The following FCRL3 variants were observed in gnomAD, a reference collection of about 807,000 sequenced individuals.
The protein encoded by FCRL3 is Fc receptor like 3, also known as Fc receptor-like protein 3.
FCRL3 carries 89 observed loss-of-function variants against 75.0 expected under a neutral mutation model. The ratio of observed to expected loss-of-function variants is 1.19; its 90% CI spans 1.00 to 1.42. FCRL3 has a LOEUF of 1.42. FCRL3 is among the 40% of genes most tolerant of loss of function. FCRL3 has a pLI of 0.00. For synonymous variants in FCRL3, 376 were observed against 348.5 expected, an observed-to-expected ratio of 1.08 and a Z score of -0.88; for missense variants, 946 against 880.0, an observed-to-expected ratio of 1.07 and a Z score of -0.95.
chr1:157,697,780 TAA>T lies in FCRL3; in HGVS notation c.436_437del (p.Leu146ArgfsTer12). ...DGKQLPNSYN[L>X]EKITVNSVSR... is the part of the protein sequence containing the mutation. ...AGACTGAATTCACTGTGATCTTCTCTAAATTATAACTATTAGGAAGCTGTTTT... is the reference window on the plus strand; with the variant it reads ...AGACTGAATTCACTGTGATCTTCTCTATTATAACTATTAGGAAGCTGTTTT... On this transcript the variant is annotated frameshift_variant, in exon 5 of 15. Transcript: ENST00000368184. LOFTEE classifies it high-confidence loss of function. 6.2e-7 allele frequency: 1 copy of T among 1,614,176 alleles called. No homozygotes were observed. The highest frequency in any genetic ancestry group is 2.2e-5 in the East Asian group (1 of 44,884).
chr1:157,695,413 C>T lies in FCRL3; in HGVS notation c.1327G>A (p.Ala443Thr), dbSNP rs1224563711. 1.2e-6 allele frequency: 2 copies of T among 1,614,088 alleles called. No individual in the cohort carries two copies. Among genetic ancestry groups the T allele is most frequent in the African/African-American group, 2.7e-5 (2 of 74,938 alleles). The change falls in exon 8 of 15, where the codon GCA becomes ACA. Residue 443 changes from alanine (A) to threonine (T), a missense_variant. Transcript: ENST00000368184. ...GGASFNLSLTAEHSGNYSCDA... is the reference protein window; with the variant it reads ...GGASFNLSLTTEHSGNYSCDA... Reference sequence around the variant, plus strand: ...CAGGAGTAGTTTCCAGAATGTTCTGCAGTCAGAGAGAGGTTGAAGGAGGCT... The same window carrying T: ...CAGGAGTAGTTTCCAGAATGTTCTGTAGTCAGAGAGAGGTTGAAGGAGGCT...
chr1:157,694,479 G>A (rs1442978002), intron 8 of FCRL3, among the ~76,000 whole-genome samples: 2 of 152,092 alleles, frequency 1.3e-5, no homozygotes, highest in Non-Finnish European at 2.9e-5. Context: ...AGAGTCCATG[G>A]CAAAATCCAG....
At position 157,698,275 on chromosome 1, in the gene FCRL3, A is replaced by G. The variant is rs1295489253; in HGVS notation, c.298+109T>C. On this transcript the variant is annotated intron_variant, in intron 4 of 14. Coordinates refer to ENST00000368184, the MANE Select transcript of FCRL3 (RefSeq NM_052939.4). The stretch of plus-strand genomic sequence containing the variant: ...TTATTTTCCCCACTGGGGTCAGTGC[A>G]TCAATCCCCATGTCTGCTTACAACT... 5 of 1,332,912 alleles carry G rather than the reference A, an allele frequency of 3.8e-6. No individual in the cohort carries two copies. In the African/African-American group the frequency reaches 7.2e-5, roughly 19 times the overall value. The allele number at this position is 1,332,912 out of a possible 1,614,324, so 82.6% of individuals were successfully genotyped here. A position where few individuals can be genotyped will look rare whatever the true frequency, so the allele number is the denominator to read the frequency against.
Position 157,678,486 on chromosome 1 carries a change from A to G in FCRL3, c.*224T>C. 1 of 1,393,324 alleles carries G rather than the reference A, an allele frequency of 7.2e-7. No homozygotes were observed. Among genetic ancestry groups the G allele is most frequent in the Non-Finnish European group, 9.3e-7 (1 of 1,074,538 alleles). 86.3% of individuals were successfully genotyped at this position (1,393,324 alleles called of 1,614,324 possible). A position where few individuals can be genotyped will look rare whatever the true frequency, so the allele number is the denominator to read the frequency against. ...CCCTCCTGCCTTGCCACGTGTCTCC[A>G]CTGTGAAAATAACACAGTGCTTGCT... On this transcript the variant is annotated 3_prime_UTR_variant, in exon 15 of 15. Coordinates refer to ENST00000368184, the MANE Select transcript of FCRL3 (RefSeq NM_052939.4).
intron 3 of FCRL3, among the ~76,000 whole-genome samples, chr1:157,699,376 G>A (rs1656164714): frequency 6.6e-6 from 1 of 152,128 alleles, no homozygotes; most frequent in African/African-American, 2.4e-5. Flanking sequence ...TGGACATTCA[G>A]AGGGAGATGT....
At position 157,678,764 on chromosome 1, in the gene FCRL3, ATCT is replaced by A. The variant is rs1654624432; in HGVS notation, c.2148_2150del (p.Glu716del). ...GTACATTCTCATAGTTTTCTTCATC[ATCT>A]TCTTCATGGGCCCTGCCTCTGCTGC... is the stretch of plus-strand genomic sequence containing the variant. On this transcript the variant is annotated inframe_deletion, in exon 15 of 15. Transcript: ENST00000368184. 10 of 1,613,896 alleles carry A rather than the reference ATCT, an allele frequency of 6.2e-6. No individual in the cohort carries two copies. Among genetic ancestry groups the A allele is most frequent in the Non-Finnish European group, 8.5e-6 (10 of 1,180,002 alleles).
chr1:157,683,807 C>T (rs1276245932), intron 10 of FCRL3, among the ~76,000 whole-genome samples: 3 of 152,172 alleles, frequency 2.0e-5, no homozygotes, highest in Admixed American at 6.5e-5. Flanking sequence ...TTCTCTTTCA[C>T]TTGGCTAGCT....
At chr1:157,698,362 A>T in intron 4 of FCRL3, 22 bp downstream of exon 4, 1 of 1,613,560 alleles carries the variant, frequency 6.2e-7, no homozygotes, top group Non-Finnish European at 8.5e-7. Context: ...TTGACTTTAG[A>T]CACTCCCCTT....
intron 10 of FCRL3, among the ~76,000 whole-genome samples, chr1:157,685,177 T>A (rs1380999318): frequency 6.6e-6 from 1 of 151,726 alleles, no homozygotes; most frequent in African/African-American, 2.4e-5. Flanking sequence ...TCTTTTAGTA[T>A]GTTATAGATT....
chr1:157,687,192 A>G (rs1220905714), intron 10 of FCRL3, among the ~76,000 whole-genome samples: 1 of 151,318 alleles, frequency 6.6e-6, no homozygotes, highest in East Asian at 2.0e-4. Flanking sequence ...AAAATGCTCA[A>G]CATCACTAAT....
Position 157,677,675 on chromosome 1 carries a change from C to T in FCRL3, c.*1035G>A, listed in dbSNP as rs1654544590. On this transcript the variant is annotated 3_prime_UTR_variant, in exon 15 of 15. Transcript: ENST00000368184. ...AGCAATAAAAACAAATGAACTATAGCAACACGCAACAATATGGATGAATCT... is the reference window on the plus strand; with the variant it reads ...AGCAATAAAAACAAATGAACTATAGTAACACGCAACAATATGGATGAATCT... 1 of 845,914 alleles carries T rather than the reference C, an allele frequency of 1.2e-6. No individual in the cohort carries two copies. Among genetic ancestry groups the T allele is most frequent in the South Asian group, 5.4e-5 (1 of 18,368 alleles). 52.4% of individuals were successfully genotyped at this position (845,914 alleles called of 1,614,324 possible).
intron 13 of FCRL3, among the ~76,000 whole-genome samples, chr1:157,680,264 C>A (rs1336845604): frequency 2.0e-5 from 3 of 152,122 alleles, no homozygotes; most frequent in Non-Finnish European, 4.4e-5. Flanking sequence ...TCATTGAGGG[C>A]AGTTAATCTA....
intron 6 of FCRL3, chr1:157,696,544 G>T: frequency 1.8e-6 from 1 of 564,148 alleles, no homozygotes; most frequent in Non-Finnish European, 3.1e-6. Context: ...TGGGCACCAA[G>T]TCCATAATCT....
At chr1:157,680,471 G>A (rs376449397) in intron 13 of FCRL3, among the ~76,000 whole-genome samples, 26 of 152,354 alleles carry the variant, frequency 1.7e-4, no homozygotes, top group Admixed American at 5.9e-4. Flanking sequence ...GCTAAATGCT[G>A]TGAATACATT....
intron 8 of FCRL3, among the ~76,000 whole-genome samples, chr1:157,692,404 A>G (rs1036726569): frequency 5.3e-5 from 8 of 151,838 alleles, no homozygotes; most frequent in African/African-American, 1.9e-4. Context: ...ACGCCTTGCT[A>G]TTCTTTTGTA....
At chr1:157,687,532 A>G (rs1029475235) in intron 10 of FCRL3, among the ~76,000 whole-genome samples, 1 of 145,642 alleles carries the variant, frequency 6.9e-6, no homozygotes, top group Non-Finnish European at 1.5e-5. Context: ...TATGGTATCA[A>G]TCTAGGTGCC....
rs1185121372 is a variant in FCRL3, at chr1:157,683,217, C to G, written c.1838G>C (p.Ser613Thr). Residue 613 changes from serine to threonine, a missense_variant and splice_region_variant, in exon 11 of 15, where the codon AGT becomes ACT. Transcript: ENST00000368184. ...PGGLSATGTS[S>T]HSPSECQEPS... is the part of the protein sequence containing the mutation. ...GCAGCACAAGAAGCAGAGACCTCAC[C>G]TAGATGTTCCAGTGGCAGAAAGTCC... 1 of 1,613,126 alleles carries G rather than the reference C, an allele frequency of 6.2e-7. No homozygotes were observed. Among genetic ancestry groups the G allele is most frequent in the African/African-American group, 1.3e-5 (1 of 74,784 alleles).
chr1:157,691,881 T>C (rs1338207820), intron 8 of FCRL3: 1 of 152,200 alleles, frequency 6.6e-6, no homozygotes, highest in African/African-American at 2.4e-5. Flanking sequence ...ATTGTCAACT[T>C]AAGTGGTCTC....
intron 8 of FCRL3, among the ~76,000 whole-genome samples, chr1:157,692,576 G>A (rs148191023): frequency 3.4e-3 from 513 of 152,290 alleles, no homozygotes; most frequent in Admixed American, 5.1e-3. Context: ...TGAGATTGGG[G>A]AGTGACCTCA....
Sources: gnomAD v4.1 joint callset for allele counts (sites outside exome capture counted in the v4.1 genomes callset) on GRCh38, gnomAD v4.1.1 for gene constraint, MANE v1.5 for transcripts, NCBI Gene and HGNC (gene_info 2026-07-23, HGNC 2026-07-21) for gene names.